The following CREBRF variants were observed in gnomAD, a reference collection of about 807,000 sequenced individuals.
The protein encoded by CREBRF is UPF0474 protein C5orf41.
In CREBRF, 5 loss-of-function variants were observed where a neutral mutation model predicts 66.1. The ratio of observed to expected loss-of-function variants is 0.08; its 90% CI spans 0.04 to 0.16. The LOEUF is 0.16. CREBRF is among the 10% of genes least tolerant of loss of function. The pLI is 1.00. For missense variants in CREBRF, 531 were observed against 744.9 expected (o/e 0.71, Z 3.34); for synonymous variants, 229 against 264.4 (o/e 0.87, Z 1.30).
chr5:173,116,389 C>T (rs887142123), intron 7 of CREBRF, among the ~76,000 whole-genome samples: 11 of 152,170 alleles, frequency 7.2e-5, no homozygotes, highest in Non-Finnish European at 1.3e-4. Context: ...TCATTCTGCT[C>T]TCCACTCCTA....
rs1759620299 is a variant in CREBRF, at chr5:173,137,746, A to T, written c.*4001A>T. On this transcript the variant is annotated 3_prime_UTR_variant, in exon 9 of 9. Coordinates refer to ENST00000296953, the MANE Select transcript of CREBRF (RefSeq NM_153607.3). ...GTTTGCCTTCATTAATAAAGCTGTT[A>T]GTTTATTCACCAAAATGTCAAGAAT... is the stretch of plus-strand genomic sequence containing the variant. 6.6e-6 allele frequency: 1 copy of T among 151,954 alleles called. No homozygotes were observed. The highest frequency in any genetic ancestry group is 1.5e-5 in the Non-Finnish European group (1 of 67,916). The allele number at this position is 151,954 out of a possible 1,614,324, so 9.4% of individuals were successfully genotyped here. A position where few individuals can be genotyped will look rare whatever the true frequency, so the allele number is the denominator to read the frequency against.
chr5:173,123,290 A>G, intron 8 of CREBRF, 88 bp downstream of exon 8: 1 of 1,320,866 alleles, frequency 7.6e-7, no homozygotes, highest in Non-Finnish European at 1.0e-6. Flanking sequence ...CTTTTAGTTT[A>G]AGGAAAAACT....
intron 2 of CREBRF, chr5:173,086,106 A>G (rs1758136601): frequency 1.2e-6 from 1 of 814,150 alleles, no homozygotes; most frequent in African/African-American, 1.7e-5. Context: ...GTTGTCAAAA[A>G]CAGTACGTTA....
At chr5:173,093,928 C>T (rs1341020769) in intron 4 of CREBRF, among the ~76,000 whole-genome samples, 2 of 152,176 alleles carry the variant, frequency 1.3e-5, no homozygotes, top group African/African-American at 4.8e-5. Flanking sequence ...TTCCCCCACC[C>T]ACCAGCCCCT....
intron 5 of CREBRF, 91 bp from the exon 6 acceptor site, chr5:173,110,431 T>G (rs755576035): frequency 2.3e-6 from 2 of 860,422 alleles, no homozygotes; most frequent in Non-Finnish European, 4.0e-6. Context: ...GAAAAGGTAG[T>G]GGTGGGAAGT....
chr5:173,088,751 A>G (rs1758241296), intron 3 of CREBRF, among the ~76,000 whole-genome samples: 1 of 152,202 alleles, frequency 6.6e-6, no homozygotes, highest in African/African-American at 2.4e-5. Context: ...ATAAAATTGA[A>G]ATAACACAAA....
intron 3 of CREBRF, among the ~76,000 whole-genome samples, chr5:173,087,429 G>A (rs930862197): frequency 1.3e-5 from 2 of 152,040 alleles, no homozygotes; most frequent in African/African-American, 4.8e-5. Flanking sequence ...TGGGCATGGT[G>A]GCTCACGCCT....
At chr5:173,123,647 G>C (rs1028386275) in intron 8 of CREBRF, 3 of 157,912 alleles carry the variant, frequency 1.9e-5, no homozygotes, top group African/African-American at 7.2e-5. Flanking sequence ...TAGACGTCAG[G>C]CCAACTGAGA....
chr5:173,110,260 A>G (rs1758841524), intron 5 of CREBRF: 1 of 513,220 alleles, frequency 1.9e-6, no homozygotes, highest in Non-Finnish European at 3.6e-6. Context: ...TCATGCTGGA[A>G]CTAGAAGCCT....
chr5:173,122,992 C>A, intron 7 of CREBRF, 88 bp from the exon 8 acceptor site: 2 of 1,288,700 alleles, frequency 1.6e-6, no homozygotes, highest in Non-Finnish European at 2.1e-6. Flanking sequence ...TTAATCCAGT[C>A]CATTTCTTAA....
rs1462933008 is a variant in CREBRF at position 173,137,774 on chromosome 5, A to T, written c.*4029A>T. 6.6e-6 allele frequency: 1 copy of T among 152,038 alleles called. No individual in the cohort carries two copies. The highest frequency in any genetic ancestry group is 1.9e-4 in the East Asian group (1 of 5,200). The allele number at this position is 152,038 out of a possible 1,614,324, so 9.4% of individuals were successfully genotyped here. A position where few individuals can be genotyped will look rare whatever the true frequency, so the allele number is the denominator to read the frequency against. ...TTATTCACCAAAATGTCAAGAATGG[A>T]TGTGCTTTTCTTTATTCCACACATT... On this transcript the variant is annotated 3_prime_UTR_variant, in exon 9 of 9. Coordinates refer to ENST00000296953, the MANE Select transcript of CREBRF (RefSeq NM_153607.3).
At chr5:173,106,297 G>A (rs1273132672) in intron 4 of CREBRF, among the ~76,000 whole-genome samples, 2 of 152,016 alleles carry the variant, frequency 1.3e-5, no homozygotes, top group East Asian at 3.9e-4. Flanking sequence ...AGGCGTGGTG[G>A]TGGGCGCCTG....
chr5:173,127,017 C>T (rs915153105), intron 8 of CREBRF, among the ~76,000 whole-genome samples: 1 of 152,104 alleles, frequency 6.6e-6, no homozygotes, highest in Non-Finnish European at 1.5e-5. Context: ...GTCAAGGCTT[C>T]AATGAGCAGG....
rs542070250 is a variant in CREBRF, at chr5:173,103,629, A to G, written c.1223-4995A>G. 1.6e-4 allele frequency among the ~76,000 whole-genome samples: 25 copies of G among 152,320 alleles called. No homozygotes were observed. In the East Asian group the frequency reaches 4.8e-3, roughly 29 times the overall value. On this transcript the variant is annotated intron_variant, in intron 4 of 8. Coordinates refer to ENST00000296953, the MANE Select transcript of CREBRF (RefSeq NM_153607.3). ...GCTACAACAGTTCACGAGCCTACAA[A>G]GTTTCAGGAAAGGTGCAAAATGGAG...
intron 8 of CREBRF, 146 bp downstream of exon 8, chr5:173,123,348 T>C: frequency 1.5e-6 from 1 of 678,608 alleles, no homozygotes; most frequent in Middle Eastern, 3.5e-4. Flanking sequence ...GTTTTATCTT[T>C]TGAGATTTAG....
intron 4 of CREBRF, among the ~76,000 whole-genome samples, chr5:173,093,312 T>G (rs1241280662): frequency 6.6e-6 from 1 of 152,212 alleles, no homozygotes; most frequent in East Asian, 1.9e-4. Flanking sequence ...TTTGCTTTTC[T>G]TTGACTTTTT....
intron 4 of CREBRF, among the ~76,000 whole-genome samples, chr5:173,103,581 T>C (rs1015577895): frequency 6.6e-6 from 1 of 152,218 alleles, no homozygotes; most frequent in Non-Finnish European, 1.5e-5. Flanking sequence ...ACTAGCTCCC[T>C]TGATGCTGTT....
chr5:173,086,380 G>C, intron 2 of CREBRF, 121 bp from the exon 3 acceptor site: 1 of 883,960 alleles, frequency 1.1e-6, no homozygotes, highest in Non-Finnish European at 1.8e-6. Flanking sequence ...TAGAAAAAAA[G>C]TATAGAAATG....
rs1305035993 is a variant in CREBRF at position 173,058,728 on chromosome 5, GC to G, written c.-192+2255del. ...TCTCGATCTCCTGACTTCGTGATCC[GC>G]CCCCCTCGGCCTCCCAAAGTGCTGG... On this transcript the variant is annotated intron_variant, in intron 1 of 8. Transcript: ENST00000296953. Among the ~76,000 whole-genome samples the G allele has an allele frequency of 6.9e-5, 10 of 143,986 alleles. 1 individual carries two copies. The East Asian group carries it at 2.0e-3, about 29-fold the overall frequency. The allele number at this position is 143,986 out of a possible 152,430, so 94.5% of individuals were successfully genotyped here. A position where few individuals can be genotyped will look rare whatever the true frequency, so the allele number is the denominator to read the frequency against.
Sources: gnomAD v4.1 joint callset for allele counts (sites outside exome capture counted in the v4.1 genomes callset) on GRCh38, gnomAD v4.1.1 for gene constraint, MANE v1.5 for transcripts, NCBI Gene and HGNC (gene_info 2026-07-23, HGNC 2026-07-21) for gene names.